The following GLRA3 variants were observed in gnomAD, a reference collection of about 807,000 sequenced individuals.
The protein encoded by GLRA3 is glycine receptor subunit alpha-3.
GLRA3 carries 44 observed loss-of-function variants against 60.4 expected under a neutral mutation model. The observed-to-expected ratio is 0.73, with a 90% CI of 0.57 to 0.94. GLRA3 has a LOEUF of 0.94. Among genes scored for constraint, GLRA3 ranks in the 40% least tolerant of loss-of-function variants. The probability of loss-of-function intolerance (pLI) is 0.00; values close to 1 mark genes in which losing one functional copy is unlikely to be tolerated. For missense variants in GLRA3, 508 were observed against 564.6 expected, an observed-to-expected ratio of 0.90 and a Z score of 1.02; for synonymous variants, 223 against 192.9, an observed-to-expected ratio of 1.16 and a Z score of -1.29.
chr4:174,722,292 G>A (rs1158683446), intron 4 of GLRA3, among the ~76,000 whole-genome samples: 1 of 151,988 alleles, frequency 6.6e-6, no homozygotes, highest in African/African-American at 2.4e-5. Flanking sequence ...TAGTTCAAAA[G>A]GTAAAAAGGG....
In GLRA3 at chr4:174,641,176, T is replaced by C. The variant is rs952868137; in HGVS notation, c.*2610A>G. 22 of 152,280 alleles carry C rather than the reference T, an allele frequency of 1.4e-4. No individual in the cohort carries two copies. Among genetic ancestry groups the C allele is most frequent in the Middle Eastern group, 3.4e-3 (1 of 294 alleles). The allele number at this position is 152,280 out of a possible 1,614,324, so 9.4% of individuals were successfully genotyped here. A position where few individuals can be genotyped will look rare whatever the true frequency, so the allele number is the denominator to read the frequency against. On this transcript the variant is annotated 3_prime_UTR_variant, in exon 10 of 10. Transcript: ENST00000274093. ...CATGAAAATCCCATATTTTCTAATG[T>C]GGCTATTTTAAAATACTTCAGAATA...
intron 3 of GLRA3, among the ~76,000 whole-genome samples, chr4:174,731,369 C>T (rs1022401633): frequency 1.3e-5 from 2 of 152,050 alleles, no homozygotes; most frequent in Non-Finnish European, 2.9e-5. Context: ...AATAGTACCA[C>T]CCTAAGAGAA....
intron 1 of GLRA3, among the ~76,000 whole-genome samples, chr4:174,807,213 T>C (rs548109976): frequency 2.6e-5 from 4 of 152,114 alleles, no homozygotes; most frequent in African/African-American, 9.6e-5. Context: ...TAACATAAAC[T>C]TGGTCTCTTA....
chr4:174,691,029 T>C (rs1734773734), intron 5 of GLRA3, among the ~76,000 whole-genome samples: 1 of 152,204 alleles, frequency 6.6e-6, no homozygotes, highest in Non-Finnish European at 1.5e-5. Context: ...TCTGGGTATA[T>C]ATCCAGTAAT....
At chr4:174,803,283 T>C (rs1289175906) in intron 1 of GLRA3, among the ~76,000 whole-genome samples, 2 of 152,150 alleles carry the variant, frequency 1.3e-5, no homozygotes, top group Admixed American at 1.3e-4. Flanking sequence ...CATCAGCTTA[T>C]TTCAACTGAA....
At chr4:174,785,272 A>G (rs1739077957) in intron 2 of GLRA3, among the ~76,000 whole-genome samples, 1 of 152,140 alleles carries the variant, frequency 6.6e-6, no homozygotes, top group African/African-American at 2.4e-5. Flanking sequence ...GAAAGCAGCA[A>G]AATCAAAGTT....
chr4:174,659,036 A>G lies in GLRA3; in HGVS notation c.1071+18T>C, dbSNP rs1261192107. 1.9e-6 allele frequency: 3 copies of G among 1,604,778 alleles called. No homozygotes were observed. Among genetic ancestry groups the G allele is most frequent in the Admixed American group, 3.4e-5 (2 of 59,194 alleles). ...TGAAAACTGGATTCTGCCAAACCCA[A>G]TACGTTTAATCACTTACCTTATTCT... On this transcript the variant is annotated intron_variant, in intron 8 of 9. Transcript: ENST00000274093.
intron 7 of GLRA3, among the ~76,000 whole-genome samples, chr4:174,666,933 G>T (rs1475179344): frequency 6.6e-6 from 1 of 151,658 alleles, no homozygotes. Context: ...GTCATAGGGA[G>T]GATTCAAGCT....
chr4:174,729,912 C>A (rs1736487339), intron 3 of GLRA3, among the ~76,000 whole-genome samples: 1 of 152,134 alleles, frequency 6.6e-6, no homozygotes, highest in African/African-American at 2.4e-5. Flanking sequence ...TTAATAATAT[C>A]AGAACAGGTA....
In GLRA3 at chr4:174,656,755, A is replaced by G. The variant is rs1733222494; in HGVS notation, c.1104T>C (p.Arg368=). The G allele has an allele frequency of 1.3e-6, 2 of 1,577,952 alleles. No homozygotes were observed. The highest frequency in any genetic ancestry group is 2.7e-5 in the African/African-American group (2 of 74,238). The change falls in exon 9 of 10, where the codon CGT becomes CGC. Residue 368 remains arginine (R), a synonymous_variant. Transcript: ENST00000274093. Reference sequence around the variant, plus strand: ...AAAGTCAATTTACCATATCTGAGAAACGGTAAAACTTCTCCAGTGCAAAAG... The same window carrying G: ...AAAGTCAATTTACCATATCTGAGAAGCGGTAAAACTTCTCCAGTGCAAAAG... ...TEAFALEKFY[R]FSDMDDEVRE...
intron 2 of GLRA3, among the ~76,000 whole-genome samples, chr4:174,785,100 T>C (rs969993118): frequency 1.3e-5 from 2 of 152,170 alleles, no homozygotes; most frequent in Admixed American, 6.6e-5. Context: ...TTTATACTTT[T>C]CTGTGGTACA....
At chr4:174,703,976 G>A (rs188505149) in intron 5 of GLRA3, among the ~76,000 whole-genome samples, 22 of 152,024 alleles carry the variant, frequency 1.4e-4, no homozygotes, top group African/African-American at 4.1e-4. Context: ...AGGGTTGAAG[G>A]AACAGATTAT....
chr4:174,720,249 A>G (rs922700521), intron 4 of GLRA3, among the ~76,000 whole-genome samples: 3 of 152,184 alleles, frequency 2.0e-5, no homozygotes, highest in Non-Finnish European at 2.9e-5. Flanking sequence ...CTCTTTTTAC[A>G]AGTGACAAAA....
intron 5 of GLRA3, among the ~76,000 whole-genome samples, chr4:174,691,645 C>T (rs1486911163): frequency 2.6e-5 from 4 of 152,218 alleles, no homozygotes; most frequent in East Asian, 1.9e-4. Context: ...CCGCCAGCCT[C>T]GGCCTCCCGA....
Position 174,768,406 on chromosome 4 carries a change from T to C in GLRA3, c.200-1376A>G, listed in dbSNP as rs111286415. ...TGCTTTTTTGGAGAAGTGAACTTAT[T>C]GAGTTTCTCACTCCTCCATTCTGGA... On this transcript the variant is annotated intron_variant, in intron 2 of 9. Transcript: ENST00000274093. Among the ~76,000 whole-genome samples the C allele has an allele frequency of 5.7e-3, 867 of 152,286 alleles. 8 individuals are homozygous for C. Among genetic ancestry groups the C allele is most frequent in the Middle Eastern group, 0.02 (6 of 294 alleles).
intron 6 of GLRA3, 79 bp downstream of exon 6, chr4:174,682,723 C>T (rs1328791897): frequency 9.6e-7 from 1 of 1,038,636 alleles, no homozygotes; most frequent in Non-Finnish European, 1.4e-6. Context: ...AGTTAAATAA[C>T]TTAGCATTAT....
chr4:174,810,923 T>A (rs1740242584), intron 1 of GLRA3, among the ~76,000 whole-genome samples: 1 of 152,202 alleles, frequency 6.6e-6, no homozygotes, highest in Non-Finnish European at 1.5e-5. Flanking sequence ...ATAAAATGTT[T>A]CTCATAGGTA....
intron 7 of GLRA3, among the ~76,000 whole-genome samples, chr4:174,660,405 T>C (rs1187037253): frequency 1.3e-5 from 2 of 152,162 alleles, no homozygotes; most frequent in Non-Finnish European, 2.9e-5. Context: ...AGTTATTTTC[T>C]AAAGTTTGCC....
chr4:174,821,152 A>G (rs1161065549), intron 1 of GLRA3, among the ~76,000 whole-genome samples: 1 of 152,178 alleles, frequency 6.6e-6, no homozygotes, highest in Non-Finnish European at 1.5e-5. Context: ...AATATTTCCA[A>G]TATTATTTTT....
Sources: allele counts gnomAD v4.1 joint callset (sites outside exome capture counted in the v4.1 genomes callset), GRCh38; gene constraint gnomAD v4.1.1; transcripts MANE v1.5; gene names NCBI Gene and HGNC (gene_info 2026-07-23, HGNC 2026-07-21).